The following PRR16 variants were observed in gnomAD, a reference collection of about 807,000 sequenced individuals.
PRR16 encodes protein Largen.
Under a neutral mutation model 18.2 loss-of-function variants are expected in PRR16, and 6 were observed. The observed-to-expected ratio is 0.33, with a 90% CI of 0.18 to 0.65. The LOEUF (loss-of-function observed/expected upper bound fraction) is 0.65, where lower values mean the gene tolerates loss of function less well. PRR16 is among the 30% of genes least tolerant of loss of function. PRR16 has a pLI of 0.74. For synonymous variants in PRR16, 151 were observed against 147.8 expected (o/e 1.02, Z -0.16); for missense variants, 412 against 376.6 (o/e 1.09, Z -0.78).
chr5:120,593,873 A>T (rs1043483801), intron 1 of PRR16, among the ~76,000 whole-genome samples: 1 of 152,206 alleles, frequency 6.6e-6, no homozygotes, highest in Non-Finnish European at 1.5e-5. Context: ...AATGTGATTC[A>T]TCACATAAAG....
chr5:120,696,094 T>C, the PRR16 span, among the ~76,000 whole-genome samples: 3 of 151,884 alleles, frequency 2.0e-5, no homozygotes, highest in African/African-American at 7.3e-5. Flanking sequence ...TAAAAAAAAT[T>C]AGCCGGACGT....
chr5:120,761,408 C>G, the PRR16 span, among the ~76,000 whole-genome samples: 8 of 151,958 alleles, frequency 5.3e-5, no homozygotes. Context: ...CAAAACTACC[C>G]CTAGACTATA....
At chr5:120,517,386 C>T (rs1751032289) in intron 1 of PRR16, among the ~76,000 whole-genome samples, 2 of 152,152 alleles carry the variant, frequency 1.3e-5, no homozygotes, top group South Asian at 4.1e-4. Context: ...CTCACCCCTA[C>T]CCATTCCCAC....
the PRR16 span, among the ~76,000 whole-genome samples, chr5:120,779,001 G>T: frequency 6.6e-6 from 1 of 152,112 alleles, no homozygotes; most frequent in Non-Finnish European, 1.5e-5. Flanking sequence ...TTAGCATTTT[G>T]ATTCTATTCT....
chr5:120,763,311 C>CT, the PRR16 span, among the ~76,000 whole-genome samples: 76 of 151,696 alleles, frequency 5.0e-4, no homozygotes, highest in Admixed American at 1.6e-3. Flanking sequence ...ACGTCTGGCT[C>CT]TTTTTTTTGT....
chr5:120,718,692 A>T, the PRR16 span, among the ~76,000 whole-genome samples: 1 of 152,106 alleles, frequency 6.6e-6, no homozygotes, highest in Non-Finnish European at 1.5e-5. Context: ...GCCATCACTC[A>T]TCCATGGATT....
chr5:120,743,569 T>G, the PRR16 span, among the ~76,000 whole-genome samples: 1 of 152,200 alleles, frequency 6.6e-6, no homozygotes. Context: ...TAAGGAACTT[T>G]GCAAACTTTA....
chr5:120,745,750 G>C, the PRR16 span, among the ~76,000 whole-genome samples: 1 of 151,626 alleles, frequency 6.6e-6, no homozygotes. Context: ...CAAGGCTGGA[G>C]TGCAGTGGGG....
the PRR16 span, among the ~76,000 whole-genome samples, chr5:120,791,922 A>G: frequency 8.5e-5 from 13 of 152,222 alleles, no homozygotes; most frequent in African/African-American, 3.1e-4. Flanking sequence ...TTTGTTTTGC[A>G]TGATTTGAAC....
At chr5:120,625,935 C>T (rs781618218) in intron 1 of PRR16, among the ~76,000 whole-genome samples, 1 of 152,062 alleles carries the variant, frequency 6.6e-6, no homozygotes, top group Non-Finnish European at 1.5e-5. Context: ...CAAGGGATGT[C>T]TTGCTTAATT....
intron 1 of PRR16, among the ~76,000 whole-genome samples, chr5:120,612,469 T>A (rs1262582314): frequency 6.6e-6 from 1 of 152,132 alleles, no homozygotes; most frequent in African/African-American, 2.4e-5. Flanking sequence ...GGGAAGGTAA[T>A]TGAATCATGG....
intron 1 of PRR16, among the ~76,000 whole-genome samples, chr5:120,610,977 C>G (rs562594066): frequency 2.0e-5 from 3 of 152,052 alleles, no homozygotes; most frequent in African/African-American, 7.2e-5. Flanking sequence ...ATGCTGATAG[C>G]GATATGGACA....
the PRR16 span, among the ~76,000 whole-genome samples, chr5:120,760,609 TGTTG>T: frequency 6.6e-6 from 1 of 150,636 alleles, no homozygotes; most frequent in South Asian, 2.1e-4. Flanking sequence ...AGCCAAAGCA[TGTTG>T]CTTAATTACC....
rs538601979 is a variant in PRR16, at chr5:120,478,731, C to G, written c.159+14086C>G. Among the ~76,000 whole-genome samples the G allele has an allele frequency of 3.9e-5, 6 of 152,166 alleles. No individual in the cohort carries two copies. In the East Asian group the frequency reaches 1.2e-3, roughly 29 times the overall value. On this transcript the variant is annotated intron_variant, in intron 1 of 1. Transcript: ENST00000407149. ...GAATGTAATTTTAAACTCTTTGAAG[C>G]ACTTAGAATTATATATTCTAAATCA...
chr5:120,498,902 A>C (rs972770412), intron 1 of PRR16, among the ~76,000 whole-genome samples: 2 of 151,542 alleles, frequency 1.3e-5, no homozygotes, highest in African/African-American at 4.8e-5. Context: ...TTTAAATTAT[A>C]TTTTTCCCTG....
intron 1 of PRR16, among the ~76,000 whole-genome samples, chr5:120,472,991 T>C (rs1749318997): frequency 6.6e-6 from 1 of 152,200 alleles, no homozygotes; most frequent in Non-Finnish European, 1.5e-5. Context: ...TTATTTGTTT[T>C]ATTTTTTTCT....
chr5:120,675,540 CT>C (rs1460451207), intron 1 of PRR16, among the ~76,000 whole-genome samples: 1 of 152,022 alleles, frequency 6.6e-6, no homozygotes, highest in Non-Finnish European at 1.5e-5. Flanking sequence ...CTTTTTCCAC[CT>C]TTTTATTAAC....
intron 1 of PRR16, among the ~76,000 whole-genome samples, chr5:120,541,766 G>A (rs1252828348): frequency 1.3e-5 from 2 of 152,114 alleles, no homozygotes; most frequent in African/African-American, 4.8e-5. Flanking sequence ...GTTCCTGCCA[G>A]TATAACTGGG....
intron 1 of PRR16, among the ~76,000 whole-genome samples, chr5:120,610,021 C>T (rs542298064): frequency 6.6e-6 from 1 of 152,272 alleles, no homozygotes; most frequent in South Asian, 2.1e-4. Flanking sequence ...ACAGTCTAAT[C>T]CCAGTTTTGT....
Sources: allele counts gnomAD v4.1 joint callset (sites outside exome capture counted in the v4.1 genomes callset), GRCh38; gene constraint gnomAD v4.1.1; transcripts MANE v1.5; gene names NCBI Gene and HGNC (gene_info 2026-07-23, HGNC 2026-07-21).